FOCAD: variants seen among roughly 807,000 people sequenced by gnomAD.
The protein encoded by FOCAD is KIAA1797.
In FOCAD, 198 loss-of-function variants were observed where a neutral mutation model predicts 225.6. The ratio of observed to expected loss-of-function variants is 0.88; its 90% CI spans 0.78 to 0.99. The LOEUF is 0.99. Ranked by LOEUF, FOCAD falls within the 50% of genes least tolerant of loss-of-function variation. The pLI, the probability that FOCAD is intolerant of heterozygous loss-of-function variation, is 0.00. For missense variants in FOCAD, 2,713 were observed against 2,123.6 expected (o/e 1.28, Z -5.46); for synonymous variants, 897 against 755.0 (o/e 1.19, Z -3.08).
chr9:20,941,960 C>A (rs974235801), intron 28 of FOCAD, among the ~76,000 whole-genome samples: 3 of 151,912 alleles, frequency 2.0e-5, no homozygotes, highest in Non-Finnish European at 4.4e-5. Flanking sequence ...AGACTTAGAA[C>A]AAGAATAAAC....
chr9:20,926,190 T>C, intron 25 of FOCAD, 111 bp from the exon 26 acceptor site: 1 of 668,558 alleles, frequency 1.5e-6, no homozygotes. Flanking sequence ...AGTTTACTTT[T>C]TGATAACAGC....
rs1185787106 is a variant in FOCAD at position 20,923,647 on chromosome 9, T to C, written c.2853-13T>C. ...CCAAAGTTCTCTGTTGAAATTTTTT[T>C]CCTTTTGAACAGGGAGAGTCCGGTA... On this transcript the variant is annotated splice_polypyrimidine_tract_variant and intron_variant, in intron 24 of 43. Transcript: ENST00000338382. The C allele has an allele frequency of 1.9e-6, 3 of 1,609,468 alleles. No homozygotes were observed. The highest frequency in any genetic ancestry group is 1.7e-4 in the Middle Eastern group (1 of 6,054).
At chr9:20,973,131 T>C (rs911567252) in intron 35 of FOCAD, among the ~76,000 whole-genome samples, 1 of 151,938 alleles carries the variant, frequency 6.6e-6, no homozygotes, top group Admixed American at 6.6e-5. Context: ...TCATCTGATG[T>C]GGCCTCTGCT....
chr9:20,929,141 A>C, intron 26 of FOCAD: 1 of 485,102 alleles, frequency 2.1e-6, no homozygotes, highest in Non-Finnish European at 3.6e-6. Context: ...TTCAGATTTA[A>C]AAGGATATTA....
chr9:20,715,909 T>C (rs1347568961), intron 2 of FOCAD, among the ~76,000 whole-genome samples: 1 of 152,180 alleles, frequency 6.6e-6, no homozygotes, highest in Non-Finnish European at 1.5e-5. Context: ...AATTAAATAG[T>C]TAAAACAAAG....
At chr9:20,708,616 T>A (rs1040716329) in intron 1 of FOCAD, among the ~76,000 whole-genome samples, 10 of 151,858 alleles carry the variant, frequency 6.6e-5, no homozygotes, top group African/African-American at 9.7e-5. Flanking sequence ...CAAAAAATTT[T>A]AAAAAAACTT....
intron 11 of FOCAD, among the ~76,000 whole-genome samples, chr9:20,791,428 A>C (rs969491246): frequency 6.6e-6 from 1 of 152,178 alleles, no homozygotes; most frequent in African/African-American, 2.4e-5. Flanking sequence ...GCAATGATCA[A>C]ATCAGGGTAA....
At position 20,905,340 on chromosome 9, in the gene FOCAD, G is replaced by A. The variant is rs142211150; in HGVS notation, c.2626-1810G>A. Reference sequence around the variant, plus strand: ...TGTTTAGAGGCTAAACATTTGATTTGCTCATTTTCATTTACATTTTTTCCA... The same window carrying A: ...TGTTTAGAGGCTAAACATTTGATTTACTCATTTTCATTTACATTTTTTCCA... On this transcript the variant is annotated intron_variant, in intron 21 of 43. Transcript: ENST00000338382. Among the ~76,000 whole-genome samples the A allele has an allele frequency of 4.0e-3, 615 of 151,918 alleles. 11 individuals carry two copies. The highest frequency in any genetic ancestry group is 0.023 in the East Asian group (119 of 5,142).
intron 21 of FOCAD, among the ~76,000 whole-genome samples, chr9:20,904,307 A>G (rs181551021): frequency 4.6e-5 from 7 of 152,008 alleles, no homozygotes; most frequent in African/African-American, 1.7e-4. Context: ...TGGTATTTCT[A>G]TGTTTAGCTT....
chr9:20,895,576 T>G (rs994437935), intron 21 of FOCAD, among the ~76,000 whole-genome samples: 26 of 151,844 alleles, frequency 1.7e-4, no homozygotes, highest in Admixed American at 1.6e-3. Flanking sequence ...TGTGTATATA[T>G]ATAGATATAT....
chr9:20,927,939 T>C (rs1461830699), intron 26 of FOCAD: 5 of 107,204 alleles, frequency 4.7e-5, no homozygotes, highest in Non-Finnish European at 1.1e-4. Flanking sequence ...TTTTTAACCA[T>C]AGTTGAGGTA....
chr9:20,849,092 A>G (rs572277119), intron 15 of FOCAD, among the ~76,000 whole-genome samples: 3 of 152,094 alleles, frequency 2.0e-5, no homozygotes, highest in Admixed American at 1.3e-4. Context: ...AATATATAAA[A>G]AAGGATTTTA....
intron 7 of FOCAD, 111 bp from the exon 8 acceptor site, chr9:20,769,921 G>A (rs1055449951): frequency 2.2e-6 from 2 of 911,066 alleles, no homozygotes; most frequent in East Asian, 5.2e-5. Flanking sequence ...TCTCCTTTAA[G>A]TCTTTATAGG....
At chr9:20,862,552 G>A (rs759558048) in intron 15 of FOCAD, 26 bp from the exon 16 acceptor site, 6 of 1,610,168 alleles carry the variant, frequency 3.7e-6, no homozygotes, top group Non-Finnish European at 4.2e-6. Flanking sequence ...CTTGTTAGGT[G>A]TTGACCTTTT....
chr9:20,835,739 G>T (rs1030829729), intron 15 of FOCAD, among the ~76,000 whole-genome samples: 1 of 152,080 alleles, frequency 6.6e-6, no homozygotes. Context: ...ATGGGAATGT[G>T]AGGCAGTGCC....
At chr9:20,858,266 A>C (rs1828410490) in intron 15 of FOCAD, among the ~76,000 whole-genome samples, 1 of 152,090 alleles carries the variant, frequency 6.6e-6, no homozygotes, top group Non-Finnish European at 1.5e-5. Flanking sequence ...CAATCTCACT[A>C]CTTTTTATTG....
intron 28 of FOCAD, among the ~76,000 whole-genome samples, chr9:20,940,583 G>T (rs1223834397): frequency 6.6e-6 from 1 of 152,144 alleles, no homozygotes; most frequent in Non-Finnish European, 1.5e-5. Context: ...ACTGCACCCA[G>T]CATAGTTCTC....
At chr9:20,936,778 A>G (rs1344096779) in intron 28 of FOCAD, among the ~76,000 whole-genome samples, 1 of 152,200 alleles carries the variant, frequency 6.6e-6, no homozygotes, top group Non-Finnish European at 1.5e-5. Context: ...GGAAAAGAGG[A>G]AATCAAATTG....
At chr9:20,723,816 G>A (rs1825985053) in intron 4 of FOCAD, among the ~76,000 whole-genome samples, 1 of 152,102 alleles carries the variant, frequency 6.6e-6, no homozygotes, top group African/African-American at 2.4e-5. Context: ...CTAAGGCTGG[G>A]TAATTTATAA....
Sources: gnomAD v4.1 joint callset for allele counts (sites outside exome capture counted in the v4.1 genomes callset) on GRCh38, gnomAD v4.1.1 for gene constraint, MANE v1.5 for transcripts, NCBI Gene and HGNC (gene_info 2026-07-23, HGNC 2026-07-21) for gene names.